Variants in MAGI2 observed in about 807,000 individuals in gnomAD.
The protein encoded by MAGI2 is membrane associated guanylate kinase, WW and PDZ domain containing 2, also known as membrane-associated guanylate kinase, WW and PDZ domain-containing protein 2.
Under a neutral mutation model 133.3 loss-of-function variants are expected in MAGI2, and 35 were observed. That is an observed-to-expected ratio of 0.26 (90% CI 0.20 to 0.35). MAGI2 has a LOEUF of 0.35. MAGI2 is among the 10% of genes least tolerant of loss of function. The pLI, the probability that MAGI2 is intolerant of heterozygous loss-of-function variation, is 1.00. For missense variants in MAGI2, 1,636 were observed against 1,863.4 expected (o/e 0.88, Z 2.25); for synonymous variants, 729 against 710.6 (o/e 1.03, Z -0.41).
intron 2 of MAGI2, among the ~76,000 whole-genome samples, chr7:78,644,996 T>A (rs1412490215): frequency 6.6e-6 from 1 of 152,148 alleles, no homozygotes; most frequent in Non-Finnish European, 1.5e-5. Flanking sequence ...TTTATGCCAA[T>A]ATATTTGACA....
chr7:78,387,925 CAAATAAATAAATAAATAAATAAAT>C (rs71085527), intron 6 of MAGI2, among the ~76,000 whole-genome samples: 26,120 of 145,278 alleles, frequency 0.18, 2,502 homozygotes, highest in South Asian at 0.23. Context: ...AACTCTGTCT[CAAATAAATAAATAAATAAATAAAT>C]AAATAAATAA....
At position 78,548,954 on chromosome 7, in the gene MAGI2, T is replaced by C. The variant is rs147871328; in HGVS notation, c.539-27309A>G. Among the ~76,000 whole-genome samples, 538 of 152,346 alleles carry C rather than the reference T, an allele frequency of 3.5e-3. 4 individuals are homozygous for C. Among genetic ancestry groups the C allele is most frequent in the African/African-American group, 0.012 (513 of 41,576 alleles). Reference sequence around the variant, plus strand: ...AAAAAGCATACTGCCTTTCAAAATGTATGTGCCCTTTTTACTATTCATCCA... The same window carrying C: ...AAAAAGCATACTGCCTTTCAAAATGCATGTGCCCTTTTTACTATTCATCCA... On this transcript the variant is annotated intron_variant, in intron 3 of 21. Transcript: ENST00000354212.
intron 1 of MAGI2, among the ~76,000 whole-genome samples, chr7:79,153,300 G>GTT (rs1562945058): frequency 4.9e-4 from 75 of 152,246 alleles, no homozygotes; most frequent in Middle Eastern, 3.4e-3. Context: ...TTCATTGAAT[G>GTT]CCCACCAGGC....
At chr7:79,273,996 T>A (rs1379319640) in intron 1 of MAGI2, among the ~76,000 whole-genome samples, 1 of 152,054 alleles carries the variant, frequency 6.6e-6, no homozygotes, top group African/African-American at 2.4e-5. Flanking sequence ...ACAGAAGTCA[T>A]AATCCTGGGG....
chr7:79,195,280 T>C (rs889176508), intron 1 of MAGI2, among the ~76,000 whole-genome samples: 2 of 151,994 alleles, frequency 1.3e-5, no homozygotes, highest in African/African-American at 4.8e-5. Context: ...AAATCAGATG[T>C]TCACCTATCC....
At chr7:78,368,268 A>C (rs577906148) in intron 7 of MAGI2, among the ~76,000 whole-genome samples, 1 of 152,344 alleles carries the variant, frequency 6.6e-6, no homozygotes, top group South Asian at 2.1e-4. Context: ...ACAATTTAGC[A>C]CTAAAGCCAA....
At chr7:78,902,881 A>G (rs1797710722) in intron 2 of MAGI2, among the ~76,000 whole-genome samples, 1 of 152,188 alleles carries the variant, frequency 6.6e-6, no homozygotes, top group South Asian at 2.1e-4. Context: ...TATTGTAAAC[A>G]ATACATGACA....
chr7:78,532,124 T>C (rs1338676108), intron 3 of MAGI2, among the ~76,000 whole-genome samples: 2 of 152,170 alleles, frequency 1.3e-5, no homozygotes, highest in African/African-American at 4.8e-5. Flanking sequence ...CAACCTCCCC[T>C]GAACCTCAGA....
chr7:78,552,272 C>T (rs1349472468), intron 3 of MAGI2, among the ~76,000 whole-genome samples: 1 of 150,780 alleles, frequency 6.6e-6, no homozygotes, highest in African/African-American at 2.4e-5. Context: ...CAACCTCCAC[C>T]TCCTGGGTTC....
intron 21 of MAGI2, 105 bp from the exon 22 acceptor site, chr7:78,020,081 G>A (rs1808210560): frequency 1.9e-6 from 2 of 1,044,554 alleles, no homozygotes; most frequent in South Asian, 3.6e-5. Context: ...TGCTCTCAGG[G>A]GCCGGAGCCA....
At chr7:78,985,590 A>C (rs1805180651) in intron 2 of MAGI2, among the ~76,000 whole-genome samples, 1 of 152,012 alleles carries the variant, frequency 6.6e-6, no homozygotes, top group South Asian at 2.1e-4. Flanking sequence ...GCAGTAAAAT[A>C]GTCCTTTTTC....
chr7:78,813,785 C>A (rs1381660055), intron 2 of MAGI2, among the ~76,000 whole-genome samples: 684 of 96,688 alleles, frequency 7.1e-3, no homozygotes, highest in African/African-American at 8.1e-3. Flanking sequence ...GATTCTGTCT[C>A]AAAAAAAAAA....
intron 2 of MAGI2, among the ~76,000 whole-genome samples, chr7:78,800,797 C>T (rs946542282): frequency 1.3e-5 from 2 of 151,946 alleles, no homozygotes; most frequent in East Asian, 1.9e-4. Context: ...TATTTCCTTG[C>T]TCAGTTTTTG....
At chr7:79,101,344 T>C (rs1156406766) in intron 1 of MAGI2, among the ~76,000 whole-genome samples, 1 of 152,086 alleles carries the variant, frequency 6.6e-6, no homozygotes, top group Non-Finnish European at 1.5e-5. Flanking sequence ...GCTGTGCAGC[T>C]GGTTGCTTTG....
At chr7:78,722,796 C>T (rs904737416) in intron 2 of MAGI2, among the ~76,000 whole-genome samples, 3 of 152,050 alleles carry the variant, frequency 2.0e-5, no homozygotes, top group African/African-American at 7.2e-5. Context: ...GAGTCTTGAA[C>T]TCTTTTGTGA....
chr7:79,023,148 G>A (rs1809513285), intron 1 of MAGI2, among the ~76,000 whole-genome samples: 1 of 150,702 alleles, frequency 6.6e-6, no homozygotes, highest in African/African-American at 2.4e-5. Flanking sequence ...ATGATCAAGT[G>A]GGCTTTATCC....
At chr7:79,298,035 G>A (rs969432953) in intron 1 of MAGI2, among the ~76,000 whole-genome samples, 2 of 152,130 alleles carry the variant, frequency 1.3e-5, no homozygotes, top group Non-Finnish European at 2.9e-5. Flanking sequence ...ATCTTCCTGA[G>A]TGGACTTATG....
intron 3 of MAGI2, among the ~76,000 whole-genome samples, chr7:78,527,120 CA>C (rs1309504833): frequency 7.2e-6 from 1 of 138,138 alleles, no homozygotes; most frequent in East Asian, 2.3e-4. Flanking sequence ...GTAATAAAAA[CA>C]TTTAATAAAT....
chr7:78,981,569 T>C (rs1268868108), intron 2 of MAGI2, among the ~76,000 whole-genome samples: 2 of 151,992 alleles, frequency 1.3e-5, no homozygotes, highest in Non-Finnish European at 2.9e-5. Flanking sequence ...TTCAGATTAT[T>C]CTATTAATCT....
Sources: gnomAD v4.1 joint callset for allele counts (sites outside exome capture counted in the v4.1 genomes callset) on GRCh38, gnomAD v4.1.1 for gene constraint, MANE v1.5 for transcripts, NCBI Gene and HGNC (gene_info 2026-07-23, HGNC 2026-07-21) for gene names.